Variants in CSGALNACT1 observed in about 807,000 individuals in gnomAD.
CSGALNACT1 encodes chondroitin sulfate N-acetylgalactosaminyltransferase 1, also known as beta4GalNAcT-1.
Under a neutral mutation model 51.0 loss-of-function variants are expected in CSGALNACT1, and 52 were observed. That is an observed-to-expected ratio of 1.02 (90% CI 0.82 to 1.29). The LOEUF (loss-of-function observed/expected upper bound fraction) is 1.29, where lower values mean the gene tolerates loss of function less well. Ranked by LOEUF, CSGALNACT1 falls within the 50% of genes most tolerant of loss-of-function variation. CSGALNACT1 has a pLI of 0.00. For missense variants in CSGALNACT1, 935 were observed against 679.2 expected, an observed-to-expected ratio of 1.38 and a Z score of -4.19; for synonymous variants, 341 against 254.4, an observed-to-expected ratio of 1.34 and a Z score of -3.24.
intron 3 of CSGALNACT1, among the ~76,000 whole-genome samples, chr8:19,547,279 T>C (rs148848989): frequency 7.7e-4 from 118 of 152,292 alleles, no homozygotes; most frequent in African/African-American, 2.8e-3. Flanking sequence ...TAACTGGTCA[T>C]CTATGGTCCA....
intron 3 of CSGALNACT1, chr8:19,587,971 A>T (rs931722189): frequency 2.0e-5 from 3 of 152,184 alleles, no homozygotes; most frequent in African/African-American, 7.2e-5. Context: ...TGGGCAGATC[A>T]CCTGAGCTCA....
At chr8:19,749,430 T>A (rs901252362) in intron 1 of CSGALNACT1, among the ~76,000 whole-genome samples, 6 of 152,166 alleles carry the variant, frequency 3.9e-5, no homozygotes, top group African/African-American at 1.4e-4. Flanking sequence ...AAGGGCTGGT[T>A]TATGCCTATG....
chr8:19,528,166 C>G (rs899572386), intron 3 of CSGALNACT1, among the ~76,000 whole-genome samples: 2 of 152,038 alleles, frequency 1.3e-5, no homozygotes, highest in Non-Finnish European at 2.9e-5. Context: ...CTGGCTAATT[C>G]TGTAGCCCAT....
At chr8:19,595,080 C>A in intron 2 of CSGALNACT1, among the ~76,000 whole-genome samples, 1 of 152,148 alleles carries the variant, frequency 6.6e-6, no homozygotes, top group East Asian at 1.9e-4. Flanking sequence ...TCCTTTCCTG[C>A]TTAAGTAAGC....
chr8:19,523,615 G>C (rs960926955), intron 3 of CSGALNACT1, among the ~76,000 whole-genome samples: 1 of 152,088 alleles, frequency 6.6e-6, no homozygotes, highest in Admixed American at 6.6e-5. Flanking sequence ...TATTAAAACA[G>C]AAAACAACTT....
At chr8:19,666,634 G>C (rs567053112) in intron 1 of CSGALNACT1, among the ~76,000 whole-genome samples, 99 of 151,218 alleles carry the variant, frequency 6.5e-4, no homozygotes, top group Non-Finnish European at 1.3e-3. Flanking sequence ...GGAGGCAGAG[G>C]TTACAGTGAG....
intron 1 of CSGALNACT1, among the ~76,000 whole-genome samples, chr8:19,700,351 T>C (rs2061797170): frequency 6.6e-6 from 1 of 152,156 alleles, no homozygotes; most frequent in African/African-American, 2.4e-5. Flanking sequence ...TATAATGTGT[T>C]GCCATGGTGT....
intron 1 of CSGALNACT1, among the ~76,000 whole-genome samples, chr8:19,667,034 AGG>A (rs1564386807): frequency 1.1e-4 from 5 of 43,808 alleles, no homozygotes; most frequent in African/African-American, 7.3e-4. Flanking sequence ...GAAGGAAGGA[AGG>A]AAGGAAGAAA....
intron 3 of CSGALNACT1, among the ~76,000 whole-genome samples, chr8:19,564,712 G>A (rs1319379058): frequency 1.3e-5 from 2 of 152,120 alleles, no homozygotes; most frequent in Non-Finnish European, 2.9e-5. Context: ...TCATCCAATC[G>A]AAAGACGCCC....
At chr8:19,576,532 A>T (rs2154116613) in intron 3 of CSGALNACT1, among the ~76,000 whole-genome samples, 1 of 152,030 alleles carries the variant, frequency 6.6e-6, no homozygotes, top group South Asian at 2.1e-4. Context: ...CAGTGGTGAT[A>T]AGATTGCTGT....
intron 4 of CSGALNACT1, among the ~76,000 whole-genome samples, chr8:19,470,300 G>T (rs917619992): frequency 6.6e-6 from 1 of 152,176 alleles, no homozygotes; most frequent in African/African-American, 2.4e-5. Context: ...ACAGAATGAG[G>T]GAATTAAAAG....
intron 9 of CSGALNACT1, 126 bp from the exon 9 acceptor site, chr8:19,406,195 C>T (rs1292160261): frequency 9.0e-7 from 1 of 1,112,586 alleles, no homozygotes; most frequent in East Asian, 2.4e-5. Flanking sequence ...CACCACCCCT[C>T]CAAGGTACGA....
At chr8:19,457,664 C>T in intron 5 of CSGALNACT1, 1 of 1,291,902 alleles carries the variant, frequency 7.7e-7, no homozygotes, top group Non-Finnish European at 1.0e-6. Context: ...TATAATTAGA[C>T]AGTAGGATTT....
chr8:19,631,231 G>A (rs535104450), intron 1 of CSGALNACT1, among the ~76,000 whole-genome samples: 20 of 152,016 alleles, frequency 1.3e-4, no homozygotes, highest in African/African-American at 2.9e-4. Flanking sequence ...TTGATTGCTC[G>A]CTTATATGCT....
chr8:19,724,853 G>C (rs2063309791), intron 1 of CSGALNACT1, among the ~76,000 whole-genome samples: 1 of 152,182 alleles, frequency 6.6e-6, no homozygotes, highest in African/African-American at 2.4e-5. Flanking sequence ...AGAGTGGAGT[G>C]GGAAACACAG....
At chr8:19,638,130 C>T (rs2056319842) in intron 1 of CSGALNACT1, among the ~76,000 whole-genome samples, 1 of 145,320 alleles carries the variant, frequency 6.9e-6, no homozygotes, top group Non-Finnish European at 1.5e-5. Flanking sequence ...AGCTAGGAGA[C>T]TCATTTCTAG....
intron 1 of CSGALNACT1, among the ~76,000 whole-genome samples, chr8:19,666,861 GAA>G (rs1281094598): frequency 4.1e-5 from 5 of 121,592 alleles, no homozygotes; most frequent in African/African-American, 3.8e-5. Context: ...AAGAAAGAAA[GAA>G]AGAAAGAAAG....
intron 1 of CSGALNACT1, among the ~76,000 whole-genome samples, chr8:19,619,261 G>T (rs957999545): frequency 2.0e-5 from 3 of 146,402 alleles, no homozygotes; most frequent in Non-Finnish European, 4.5e-5. Flanking sequence ...GGGGGGGTGG[G>T]CCTTGAAAAA....
At chr8:19,539,768 T>C (rs553802690) in intron 3 of CSGALNACT1, among the ~76,000 whole-genome samples, 2 of 152,270 alleles carry the variant, frequency 1.3e-5, no homozygotes, top group Admixed American at 6.5e-5. Flanking sequence ...ACATTGACTG[T>C]GATTCTCCAC....
Sources: allele counts gnomAD v4.1 joint callset (sites outside exome capture counted in the v4.1 genomes callset), GRCh38; gene constraint gnomAD v4.1.1; transcripts MANE v1.5; gene names NCBI Gene and HGNC (gene_info 2026-07-23, HGNC 2026-07-21).